Variants in SHF observed in about 807,000 individuals in gnomAD.
SHF encodes the protein SH2 domain-containing adapter protein F.
A neutral mutation model predicts 42.4 loss-of-function variants in SHF; 30 were observed. The observed-to-expected ratio is 0.71, with a 90% CI of 0.53 to 0.96. The LOEUF is 0.96. SHF is among the 40% of genes least tolerant of loss of function. The pLI is 0.00. For missense variants in SHF, 598 were observed against 634.0 expected (o/e 0.94, Z 0.61); for synonymous variants, 264 against 269.9 (o/e 0.98, Z 0.21).
At chr15:45,175,501 A>C in intron 2 of SHF, 76 bp from the exon 3 acceptor site, 4 of 1,459,316 alleles carry the variant, frequency 2.7e-6, no homozygotes, top group East Asian at 2.5e-5. Context: ...AATGCTTCTC[A>C]GCAACAAGCC....
At chr15:45,179,514 G>A (rs1384054570) in intron 1 of SHF, among the ~76,000 whole-genome samples, 1 of 152,210 alleles carries the variant, frequency 6.6e-6, no homozygotes, top group Non-Finnish European at 1.5e-5. Flanking sequence ...CTCTATGCCT[G>A]CTGCCATTCA....
At chr15:45,198,884 G>A (rs80131405) in exon 2 of SHF, 109,256 of 1,613,988 alleles carry the variant, frequency 0.068, 5,220 homozygotes, top group Admixed American at 0.21. Flanking sequence ...TGGTGATGAT[G>A]AGATGGGCTC....
At chr15:45,177,583 T>A (rs953921196) in intron 2 of SHF, among the ~76,000 whole-genome samples, 2 of 152,122 alleles carry the variant, frequency 1.3e-5, no homozygotes, top group African/African-American at 4.8e-5. Flanking sequence ...CACCCAGCAC[T>A]AACATCATTT....
At chr15:45,194,411 G>C (rs1421481116) in intron 2 of SHF, among the ~76,000 whole-genome samples, 3 of 151,830 alleles carry the variant, frequency 2.0e-5, no homozygotes, top group African/African-American at 4.8e-5. Flanking sequence ...GAGTGCAGTG[G>C]CGCGATCTTG....
intron 1 of SHF, chr15:45,200,510 G>C: frequency 2.8e-6 from 1 of 354,458 alleles, no homozygotes; most frequent in Non-Finnish European, 5.6e-6. Flanking sequence ...CAGGACCTCG[G>C]CTTGTCGCCT....
chr15:45,198,735 C>A (rs1196532129), intron 2 of SHF: 3 of 1,587,404 alleles, frequency 1.9e-6, no homozygotes, highest in East Asian at 4.5e-5. Flanking sequence ...CAGTCATAGG[C>A]CTTCCCAGTT....
chr15:45,194,506 C>G (rs1393005221), intron 2 of SHF, among the ~76,000 whole-genome samples: 1 of 152,042 alleles, frequency 6.6e-6, no homozygotes, highest in Non-Finnish European at 1.5e-5. Context: ...TCCCTGCCAC[C>G]ACACCCAGCT....
At chr15:45,177,978 C>T (rs1897912606) in intron 2 of SHF, among the ~76,000 whole-genome samples, 187 bp downstream of exon 2, 1 of 152,218 alleles carries the variant, frequency 6.6e-6, no homozygotes, top group Non-Finnish European at 1.5e-5. Flanking sequence ...CACTTCAGGT[C>T]TCACAGGTCA....
At chr15:45,174,698 T>A (rs183433314) in intron 3 of SHF, among the ~76,000 whole-genome samples, 4 of 152,130 alleles carry the variant, frequency 2.6e-5, no homozygotes, top group Non-Finnish European at 4.4e-5. Context: ...AGAAACCTGA[T>A]CTTCATTTGG....
chr15:45,172,693 A>T (rs1897572243), intron 4 of SHF, among the ~76,000 whole-genome samples: 1 of 152,138 alleles, frequency 6.6e-6, no homozygotes, highest in Non-Finnish European at 1.5e-5. Context: ...TCCTCCTCAG[A>T]GTTCATTACC....
At chr15:45,200,722 C>G (rs1167273692) in intron 1 of SHF, 1 of 456,160 alleles carries the variant, frequency 2.2e-6, no homozygotes. Flanking sequence ...TGGGGTTCCC[C>G]TTACCTCGCG....
intron 1 of SHF, among the ~76,000 whole-genome samples, chr15:45,186,550 C>T (rs1172095838): frequency 2.6e-5 from 4 of 152,212 alleles, no homozygotes; most frequent in Non-Finnish European, 4.4e-5. Context: ...TCTCACTCTG[C>T]CAGGGAGGGA....
At chr15:45,186,696 G>A (rs1203303974) in intron 1 of SHF, among the ~76,000 whole-genome samples, 1 of 152,240 alleles carries the variant, frequency 6.6e-6, no homozygotes, top group Non-Finnish European at 1.5e-5. Flanking sequence ...AGGCCAGGAG[G>A]AGAGGAGGAA....
Position 45,199,120 on chromosome 15 carries a change from C to T in SHF, c.-46G>A, listed in dbSNP as rs760023988. 11 of 1,481,494 alleles carry T rather than the reference C, an allele frequency of 7.4e-6. No individual in the cohort carries two copies. The African/African-American group carries it at 1.3e-4, about 17-fold the overall frequency. The allele number at this position is 1,481,494 out of a possible 1,614,324, so 91.8% of individuals were successfully genotyped here. A position where few individuals can be genotyped will look rare whatever the true frequency, so the allele number is the denominator to read the frequency against. On this transcript the variant is annotated splice_region_variant and 5_prime_UTR_variant, in exon 2 of 8. Coordinates refer to the SHF transcript ENST00000290894. ...CCGCCTCTGTGGAGATTGTGGACACCCTAGAACCAGGTTCCACGTAGAAAA... is the reference window on the plus strand; with the variant it reads ...CCGCCTCTGTGGAGATTGTGGACACTCTAGAACCAGGTTCCACGTAGAAAA...
In SHF at chr15:45,167,960, A is replaced by G. The variant is rs1339401657; in HGVS notation, c.1454T>C (p.Ile485Thr). 2.5e-6 allele frequency: 4 copies of G among 1,606,918 alleles called. No individual in the cohort carries two copies. Among genetic ancestry groups the G allele is most frequent in the Non-Finnish European group, 3.4e-6 (4 of 1,175,516 alleles). ...EHMSLLYPVA[I>T]RTL ...CTGGCTTCACATCTAAAGAGTCCGG[A>G]TGGCCACAGGGTAGAGCAGGGACAT... The change falls in exon 7 of 7, where the codon ATC (isoleucine) becomes ACC (threonine). Residue 485 changes from isoleucine to threonine, a missense_variant. Around this residue, in one of 2 missense-constraint regions of SHF, gnomAD observed 439 missense variants for 524.6 expected, o/e 0.84. Coordinates refer to ENST00000690270, the MANE Select transcript of SHF (RefSeq NM_001394037.1).
chr15:45,187,635 T>G lies in SHF; in HGVS notation c.317A>C (p.Glu106Ala), dbSNP rs1034823258. The G allele has an allele frequency of 3.3e-6, 4 of 1,228,434 alleles. No individual in the cohort carries two copies. The African/African-American group carries it at 6.3e-5, about 19-fold the overall frequency. 76.1% of individuals were successfully genotyped at this position (1,228,434 alleles called of 1,614,324 possible). The stretch of plus-strand genomic sequence containing the variant: ...GGACGACCCCCCGGAGTAGGGGTCT[T>G]CGAAGTCGCGCTCCCGCTGCAGCCT... ...AYRLQRERDFEDPYSGGSSGS... is the reference protein window; with the variant it reads ...AYRLQRERDFADPYSGGSSGS... Residue 106 changes from glutamate to alanine, a missense_variant, in exon 1 of 7, where the codon GAA (glutamate) becomes GCA (alanine). Around this residue, in one of 2 missense-constraint regions of SHF, gnomAD observed 439 missense variants for 524.6 expected, o/e 0.84. Transcript: ENST00000690270.
intron 1 of SHF, among the ~76,000 whole-genome samples, chr15:45,184,134 C>T (rs1400628896): frequency 6.6e-6 from 1 of 152,202 alleles, no homozygotes. Flanking sequence ...TCCCTTTCAG[C>T]GCCTAATGAC....
At position 45,187,953 on chromosome 15, in the gene SHF, G is replaced by A. The variant is rs1272337658; in HGVS notation, c.-2C>T. 5.1e-6 allele frequency: 6 copies of A among 1,172,478 alleles called. No homozygotes were observed. Among genetic ancestry groups the A allele is most frequent in the Non-Finnish European group, 6.3e-6 (6 of 950,002 alleles). The allele number at this position is 1,172,478 out of a possible 1,614,324, so 72.6% of individuals were successfully genotyped here. A position where few individuals can be genotyped will look rare whatever the true frequency, so the allele number is the denominator to read the frequency against. On this transcript the variant is annotated 5_prime_UTR_variant, in exon 1 of 7. Transcript: ENST00000690270. ...CGGAGGAGCTCCGCTCAGTAACATG[G>A]GGCCAGCCAGACTGAGCGAGGGGAG...
intron 3 of SHF, 137 bp downstream of exon 3, chr15:45,175,082 T>TA (rs1007088886): frequency 2.1e-6 from 2 of 945,764 alleles, no homozygotes; most frequent in African/African-American, 3.3e-5. Context: ...CCCCCTATGG[T>TA]ACAGAACTCA....
Sources: gnomAD v4.1 joint callset for allele counts (sites outside exome capture counted in the v4.1 genomes callset) on GRCh38, gnomAD v4.1.1 for gene constraint, gnomAD v4.1.1 regional missense constraint, MANE v1.5 for transcripts, NCBI Gene and HGNC (gene_info 2026-07-23, HGNC 2026-07-21) for gene names.